PCDH15: variants seen among roughly 807,000 people sequenced by gnomAD.
PCDH15 encodes protocadherin-15.
Under a neutral mutation model 178.5 loss-of-function variants are expected in PCDH15, and 129 were observed. The ratio of observed to expected loss-of-function variants is 0.72; its 90% CI spans 0.63 to 0.84. The LOEUF is 0.84. Among genes scored for constraint, PCDH15 ranks in the 40% least tolerant of loss-of-function variants. PCDH15 has a pLI of 0.00. For synonymous variants in PCDH15, 800 were observed against 732.0 expected (o/e 1.09, Z -1.50); for missense variants, 2,230 against 2,099.9 (o/e 1.06, Z -1.21).
chr10:55,071,954 C>T (rs11004726), intron 2 of PCDH15, among the ~76,000 whole-genome samples: 10,210 of 152,008 alleles, frequency 0.067, 456 homozygotes, highest in African/African-American at 0.11. Context: ...GACTTAAAAC[C>T]GCTCAACTAC....
At chr10:54,808,524 GTCTCA>G (rs1952813774) in intron 3 of PCDH15, among the ~76,000 whole-genome samples, 1 of 152,130 alleles carries the variant, frequency 6.6e-6, no homozygotes, top group Admixed American at 6.6e-5. Flanking sequence ...AACCCAGGCA[GTCTCA>G]TCTTTTAGCT....
At chr10:54,131,515 CTTTCT>C (rs746275332) in intron 15 of PCDH15, among the ~76,000 whole-genome samples, 3 of 151,468 alleles carry the variant, frequency 2.0e-5, no homozygotes, top group East Asian at 3.9e-4. Context: ...GTTTTATTCC[CTTTCT>C]TTTAATTATT....
chr10:55,521,942 G>C (rs933423535), intron 2 of PCDH15, among the ~76,000 whole-genome samples: 4 of 151,810 alleles, frequency 2.6e-5, no homozygotes, highest in African/African-American at 9.7e-5. Flanking sequence ...TGCTAGCTGG[G>C]AAAATGTCAA....
intron 16 of PCDH15, among the ~76,000 whole-genome samples, chr10:54,087,354 T>C (rs560196328): frequency 2.0e-5 from 3 of 152,310 alleles, no homozygotes; most frequent in Admixed American, 6.5e-5. Flanking sequence ...TTTTATCTTA[T>C]AGATGTGCCT....
intron 3 of PCDH15, among the ~76,000 whole-genome samples, chr10:54,836,734 G>GA (rs1357356333): frequency 6.6e-6 from 1 of 151,938 alleles, no homozygotes; most frequent in Admixed American, 6.6e-5. Context: ...TTGAGATGAA[G>GA]AAAAAATTAC....
At chr10:54,667,180 A>C (rs1289376768) in intron 1 of PCDH15, among the ~76,000 whole-genome samples, 4 of 152,012 alleles carry the variant, frequency 2.6e-5, no homozygotes, top group Non-Finnish European at 4.4e-5. Flanking sequence ...CAATTTCTAT[A>C]GTTTTTTTAC....
chr10:55,463,307 G>T (rs1038385262), intron 2 of PCDH15, among the ~76,000 whole-genome samples: 2 of 151,964 alleles, frequency 1.3e-5, no homozygotes, highest in African/African-American at 2.4e-5. Context: ...TCATCCTGTA[G>T]ATATTTTATT....
At chr10:54,404,948 C>T (rs1383284081) in intron 3 of PCDH15, among the ~76,000 whole-genome samples, 4 of 152,110 alleles carry the variant, frequency 2.6e-5, no homozygotes, top group African/African-American at 9.6e-5. Context: ...CAATAAGATA[C>T]CATCTCGCAC....
chr10:54,953,718 C>A (rs1262412646), intron 2 of PCDH15, among the ~76,000 whole-genome samples: 1 of 151,076 alleles, frequency 6.6e-6, no homozygotes, highest in African/African-American at 2.4e-5. Context: ...TATGAAAATT[C>A]CACTTAAATA....
At chr10:54,513,992 C>G (rs918840580) in intron 3 of PCDH15, among the ~76,000 whole-genome samples, 3 of 152,180 alleles carry the variant, frequency 2.0e-5, no homozygotes, top group Non-Finnish European at 4.4e-5. Context: ...TGTCTTCTCC[C>G]TAGAGCATGG....
chr10:55,462,995 C>G (rs562958516), intron 2 of PCDH15, among the ~76,000 whole-genome samples: 2 of 151,484 alleles, frequency 1.3e-5, no homozygotes, highest in South Asian at 4.2e-4. Context: ...AAAGTGCACA[C>G]TGTACATCAG....
intron 1 of PCDH15, among the ~76,000 whole-genome samples, chr10:55,214,415 G>A (rs1343113566): frequency 6.6e-6 from 1 of 151,442 alleles, no homozygotes; most frequent in Non-Finnish European, 1.5e-5. Flanking sequence ...TTTTCTTTAT[G>A]TATATGGAAA....
chr10:54,042,897 T>G (rs1356633687), intron 18 of PCDH15, among the ~76,000 whole-genome samples: 1 of 152,106 alleles, frequency 6.6e-6, no homozygotes, highest in Non-Finnish European at 1.5e-5. Context: ...TGGTTTAGAA[T>G]AGGTGAGGAG....
At position 54,527,969 on chromosome 10, in the gene PCDH15, A is replaced by T. The variant is rs2083521059; in HGVS notation, c.92-92T>A. ...ATTGAGATGTATATTAATATTTAAA[A>T]AGGAAAATCTTGCAATCTAATTAAT... On this transcript the variant is annotated intron_variant, in intron 2 of 37. Coordinates refer to ENST00000644397, the MANE Select transcript of PCDH15 (RefSeq NM_001384140.1). 2.9e-6 allele frequency: 3 copies of T among 1,021,748 alleles called. No homozygotes were observed. The East Asian group carries it at 7.4e-5, about 25-fold the overall frequency. The allele number at this position is 1,021,748 out of a possible 1,614,324, so 63.3% of individuals were successfully genotyped here.
chr10:55,079,959 A>G (rs997685429), intron 2 of PCDH15, among the ~76,000 whole-genome samples: 4 of 152,076 alleles, frequency 2.6e-5, no homozygotes, highest in Admixed American at 2.6e-4. Context: ...CTTAGGCTCT[A>G]GTAGGTAGAA....
chr10:55,421,755 G>T (rs927007989), intron 2 of PCDH15, among the ~76,000 whole-genome samples: 4 of 151,556 alleles, frequency 2.6e-5, no homozygotes, highest in African/African-American at 2.4e-5. Context: ...TGCTTATGTG[G>T]TTCTTTTGTT....
chr10:54,259,891 T>C (rs901666621), intron 8 of PCDH15, among the ~76,000 whole-genome samples: 1 of 152,188 alleles, frequency 6.6e-6, no homozygotes, highest in Non-Finnish European at 1.5e-5. Flanking sequence ...TGAAGATTAT[T>C]TCCTTATGAA....
chr10:55,549,467 T>C (rs1841961172), intron 2 of PCDH15, among the ~76,000 whole-genome samples: 1 of 152,170 alleles, frequency 6.6e-6, no homozygotes, highest in African/African-American at 2.4e-5. Context: ...CAAGGCTCTG[T>C]GTCAGCATTA....
chr10:54,065,126 G>C (rs1244558170), intron 18 of PCDH15, among the ~76,000 whole-genome samples: 1 of 152,122 alleles, frequency 6.6e-6, no homozygotes, highest in Non-Finnish European at 1.5e-5. Flanking sequence ...GCTTCTACTG[G>C]AGGCAAGAAA....
Sources: gnomAD v4.1 joint callset for allele counts (sites outside exome capture counted in the v4.1 genomes callset) on GRCh38, gnomAD v4.1.1 for gene constraint, MANE v1.5 for transcripts, NCBI Gene and HGNC (gene_info 2026-07-23, HGNC 2026-07-21) for gene names.